The following RAB11FIP4 variants were observed in gnomAD, a reference collection of about 807,000 sequenced individuals.
RAB11FIP4 encodes the protein RAB11 family interacting protein 4.
In RAB11FIP4, 23 loss-of-function variants were observed where a neutral mutation model predicts 74.3. That is an observed-to-expected ratio of 0.31 (90% CI 0.22 to 0.44). The LOEUF is 0.44. Ranked by LOEUF, RAB11FIP4 falls within the 20% of genes least tolerant of loss-of-function variation. The pLI, the probability that RAB11FIP4 is intolerant of heterozygous loss-of-function variation, is 1.00. For synonymous variants in RAB11FIP4, 360 were observed against 359.9 expected (o/e 1.00, Z 0.00); for missense variants, 630 against 863.9 (o/e 0.73, Z 3.39).
rs1430574528 is a variant in RAB11FIP4 at position 31,535,722 on chromosome 17, G to T, written c.*3990G>T. 6.6e-6 allele frequency: 1 copy of T among 152,368 alleles called. No homozygotes were observed. Among genetic ancestry groups the T allele is most frequent in the Non-Finnish European group, 1.5e-5 (1 of 68,186 alleles). 9.4% of individuals were successfully genotyped at this position (152,368 alleles called of 1,614,324 possible). A position where few individuals can be genotyped will look rare whatever the true frequency, so the allele number is the denominator to read the frequency against. The stretch of plus-strand genomic sequence containing the variant: ...AGTGGGTGGGCAGGACCTTGGCCTG[G>T]TGCCCCTGGAATCAGTGGGTGGCAT... On this transcript the variant is annotated 3_prime_UTR_variant, in exon 15 of 15. Coordinates refer to ENST00000621161, the MANE Select transcript of RAB11FIP4 (RefSeq NM_032932.6).
chr17:31,515,577 G>A (rs2072531268), intron 3 of RAB11FIP4, among the ~76,000 whole-genome samples: 1 of 151,990 alleles, frequency 6.6e-6, no homozygotes, highest in African/African-American at 2.4e-5. Context: ...CAGGCCTGTC[G>A]CTGAGCAGCT....
At chr17:31,525,867 GC>G (rs1265274294) in intron 10 of RAB11FIP4, 1 of 152,308 alleles carries the variant, frequency 6.6e-6, no homozygotes, top group African/African-American at 2.4e-5. Context: ...GGCCGAGGAG[GC>G]CGCCTGGGCT....
At chr17:31,443,441 T>A (rs2071423519) in intron 3 of RAB11FIP4, among the ~76,000 whole-genome samples, 1 of 152,220 alleles carries the variant, frequency 6.6e-6, no homozygotes, top group Non-Finnish European at 1.5e-5. Context: ...TGTGAAACTG[T>A]TCTGTTTTAT....
rs1026912689 is a variant in RAB11FIP4, at chr17:31,429,723, A to G, written c.160-2090A>G. Reference sequence around the variant, plus strand: ...GCGCCTGTAATCCCAGCTACTCAGGAGAGGCTGAGGCAGGAGAATCTCTTG... The same window carrying G: ...GCGCCTGTAATCCCAGCTACTCAGGGGAGGCTGAGGCAGGAGAATCTCTTG... On this transcript the variant is annotated intron_variant, in intron 1 of 14. Transcript: ENST00000621161. 8.0e-5 allele frequency among the ~76,000 whole-genome samples: 12 copies of G among 150,134 alleles called. No homozygotes were observed. In the South Asian group the frequency reaches 2.6e-3, roughly 32 times the overall value.
rs141212580 is a variant in RAB11FIP4 at position 31,503,036 on chromosome 17, T to TATTATTTTG, written c.337-14615_337-14614insATTATTTTG. On this transcript the variant is annotated intron_variant, in intron 3 of 14. Transcript: ENST00000621161. ...ACCTCTTTATTATTATTATTATTATTTTGTTGTTTGTTTTAAGACAGAGTC... is the reference window on the plus strand; with the variant it reads ...ACCTCTTTATTATTATTATTATTATTATTATTTTGTTGTTGTTTGTTTTAAGACAGAGTC... Among the ~76,000 whole-genome samples, 134 of 151,436 alleles carry TATTATTTTG rather than the reference T, an allele frequency of 8.8e-4. 1 individual carries two copies. The highest frequency in any genetic ancestry group is 3.2e-3 in the African/African-American group (131 of 41,220).
chr17:31,482,030 C>T (rs2071855167), intron 3 of RAB11FIP4, among the ~76,000 whole-genome samples: 1 of 152,176 alleles, frequency 6.6e-6, no homozygotes, highest in Non-Finnish European at 1.5e-5. Context: ...GTCCAAGATC[C>T]TCTCCTGGGC....
At chr17:31,505,519 A>G (rs1360484973) in intron 3 of RAB11FIP4, among the ~76,000 whole-genome samples, 1 of 78,692 alleles carries the variant, frequency 1.3e-5, no homozygotes, top group African/African-American at 5.1e-5. Flanking sequence ...TATAATAATT[A>G]TATATTATAT....
chr17:31,401,184 A>G (rs181718815), intron 1 of RAB11FIP4, among the ~76,000 whole-genome samples: 1 of 152,192 alleles, frequency 6.6e-6, no homozygotes, highest in African/African-American at 2.4e-5. Flanking sequence ...AGGTGGGAGA[A>G]TGGCATGAAC....
chr17:31,412,711 G>A (rs1027324219), intron 1 of RAB11FIP4, among the ~76,000 whole-genome samples: 5 of 152,176 alleles, frequency 3.3e-5, no homozygotes, highest in Non-Finnish European at 7.3e-5. Flanking sequence ...GGAAATGTAC[G>A]TGAACACCAG....
intron 3 of RAB11FIP4, among the ~76,000 whole-genome samples, chr17:31,446,252 C>G (rs1387682601): frequency 6.6e-6 from 1 of 151,786 alleles, no homozygotes; most frequent in Non-Finnish European, 1.5e-5. Context: ...ATTTAAAATG[C>G]ATATTGTTGG....
intron 9 of RAB11FIP4, 49 bp from the exon 10 acceptor site, chr17:31,525,041 G>T: frequency 6.5e-7 from 1 of 1,549,076 alleles, no homozygotes. Flanking sequence ...GCCTGGGTTG[G>T]GGTGAAATGG....
intron 3 of RAB11FIP4, chr17:31,488,460 C>T (rs970864757): frequency 3.3e-6 from 2 of 601,196 alleles, no homozygotes; most frequent in Non-Finnish European, 4.3e-6. Context: ...CCTTCCCCAG[C>T]GCAGTTCCAG....
chr17:31,397,318 C>T (rs115983760), intron 1 of RAB11FIP4, among the ~76,000 whole-genome samples: 148 of 152,258 alleles, frequency 9.7e-4, no homozygotes, highest in African/African-American at 3.5e-3. Context: ...CAGGAGGCCT[C>T]CTCGGGACTG....
At chr17:31,440,700 C>T (rs2071399455) in intron 3 of RAB11FIP4, among the ~76,000 whole-genome samples, 2 of 152,170 alleles carry the variant, frequency 1.3e-5, no homozygotes, top group African/African-American at 4.8e-5. Context: ...ACCCGGGAGG[C>T]GGAGGTTGCA....
chr17:31,402,830 T>A (rs373558605), intron 1 of RAB11FIP4, among the ~76,000 whole-genome samples: 9 of 151,964 alleles, frequency 5.9e-5, no homozygotes, highest in South Asian at 2.1e-4. Context: ...TTTCACCGTG[T>A]TAGCCAGGAT....
At chr17:31,493,546 G>A (rs181104521) in intron 3 of RAB11FIP4, among the ~76,000 whole-genome samples, 2 of 152,252 alleles carry the variant, frequency 1.3e-5, no homozygotes, top group East Asian at 1.9e-4. Flanking sequence ...GAATAGGAGC[G>A]AGAATAGCAG....
chr17:31,525,363 G>T (rs556935809), intron 10 of RAB11FIP4, 133 bp downstream of exon 10: 9 of 839,796 alleles, frequency 1.1e-5, no homozygotes, highest in Non-Finnish European at 1.5e-5. Context: ...CTTTCCAGTA[G>T]TAACAGTTCC....
chr17:31,446,290 C>T (rs1396745406), intron 3 of RAB11FIP4, among the ~76,000 whole-genome samples: 6 of 152,174 alleles, frequency 3.9e-5, no homozygotes, highest in Admixed American at 1.3e-4. Context: ...TCAGTTTTCC[C>T]AGCTGAAACA....
At chr17:31,484,746 C>G (rs2071884644) in intron 3 of RAB11FIP4, among the ~76,000 whole-genome samples, 1 of 152,170 alleles carries the variant, frequency 6.6e-6, no homozygotes, top group Admixed American at 6.5e-5. Context: ...CCTCTGTTCC[C>G]CTCAGCCTCT....
Sources: gnomAD v4.1 joint callset for allele counts (sites outside exome capture counted in the v4.1 genomes callset) on GRCh38, gnomAD v4.1.1 for gene constraint, MANE v1.5 for transcripts, NCBI Gene and HGNC (gene_info 2026-07-23, HGNC 2026-07-21) for gene names.